The following ALK variants were observed in gnomAD, a reference collection of about 807,000 sequenced individuals.
ALK encodes the protein ALK receptor tyrosine kinase.
Under a neutral mutation model 163.1 loss-of-function variants are expected in ALK, and 74 were observed. The observed-to-expected ratio is 0.45, with a 90% CI of 0.38 to 0.55. The LOEUF is 0.55. ALK is among the 20% of genes least tolerant of loss of function. ALK has a pLI of 0.00. For missense variants in ALK, 2,063 were observed against 2,105.3 expected (o/e 0.98, Z 0.39); for synonymous variants, 960 against 843.2 (o/e 1.14, Z -2.40).
At chr2:29,821,244 A>T (rs1665040181) in intron 1 of ALK, among the ~76,000 whole-genome samples, 1 of 151,708 alleles carries the variant, frequency 6.6e-6, no homozygotes, top group African/African-American at 2.4e-5. Flanking sequence ...ATCTTCTCCT[A>T]CCCTCGGTGT....
intron 4 of ALK, among the ~76,000 whole-genome samples, chr2:29,457,713 G>T (rs959969759): frequency 6.6e-6 from 1 of 151,952 alleles, no homozygotes; most frequent in African/African-American, 2.4e-5. Flanking sequence ...CAATAACAGT[G>T]GTTTATCAAG....
chr2:29,366,094 T>G (rs1202365097), intron 5 of ALK, among the ~76,000 whole-genome samples: 1 of 152,046 alleles, frequency 6.6e-6, no homozygotes, highest in Non-Finnish European at 1.5e-5. Context: ...TATTTGAGAG[T>G]GAAATTACAT....
At chr2:29,646,327 C>T (rs536355211) in intron 3 of ALK, among the ~76,000 whole-genome samples, 18 of 152,268 alleles carry the variant, frequency 1.2e-4, no homozygotes, top group South Asian at 8.3e-4. Flanking sequence ...GCCCTTCCAG[C>T]ATCTGATACA....
intron 1 of ALK, among the ~76,000 whole-genome samples, chr2:29,804,659 G>A (rs1162246184): frequency 1.3e-5 from 2 of 152,248 alleles, no homozygotes; most frequent in African/African-American, 2.4e-5. Flanking sequence ...CAGGGCTGGC[G>A]TCGCAGCCCA....
At chr2:29,810,460 A>G (rs1171836080) in intron 1 of ALK, among the ~76,000 whole-genome samples, 1 of 152,050 alleles carries the variant, frequency 6.6e-6, no homozygotes, top group Non-Finnish European at 1.5e-5. Flanking sequence ...ATACTATCAA[A>G]TGTTATCAAT....
chr2:29,494,877 C>T (rs1053644603), intron 4 of ALK, among the ~76,000 whole-genome samples: 9 of 113,142 alleles, frequency 8.0e-5, no homozygotes, highest in East Asian at 4.5e-4. Context: ...TGTGTGTGTG[C>T]ATGCATGTGT....
intron 3 of ALK, among the ~76,000 whole-genome samples, chr2:29,627,408 T>C (rs914070266): frequency 1.3e-5 from 2 of 152,220 alleles, no homozygotes; most frequent in Non-Finnish European, 2.9e-5. Context: ...CGCAAATTTC[T>C]GCATTAGATG....
intron 1 of ALK, among the ~76,000 whole-genome samples, chr2:29,849,870 C>T (rs1015009734): frequency 7.9e-5 from 12 of 152,024 alleles, no homozygotes; most frequent in Admixed American, 6.5e-4. Flanking sequence ...CCCCCTCATC[C>T]CTCCAATCTC....
chr2:29,444,756 T>C (rs531541999), intron 4 of ALK, among the ~76,000 whole-genome samples: 1 of 152,344 alleles, frequency 6.6e-6, no homozygotes, highest in South Asian at 2.1e-4. Context: ...TTCCTTGGGC[T>C]CCTAAAAGTA....
intron 1 of ALK, among the ~76,000 whole-genome samples, chr2:29,731,896 G>A (rs1167803347): frequency 6.6e-6 from 1 of 152,186 alleles, no homozygotes; most frequent in African/African-American, 2.4e-5. Flanking sequence ...TTCTGTCAGT[G>A]ACCTGTAAAG....
chr2:29,879,562 C>T (rs1666804074), intron 1 of ALK, among the ~76,000 whole-genome samples: 1 of 152,228 alleles, frequency 6.6e-6, no homozygotes, highest in Non-Finnish European at 1.5e-5. Flanking sequence ...ACTGTCCACT[C>T]ATGTCCTAGG....
chr2:29,545,043 C>T lies in ALK; in HGVS notation c.953-12927G>A, dbSNP rs1488358788. ...TAGAAATCTACGAAGGTGTTTCAGT[C>T]AGATGCCCTGTGGTTTGGTCCCCAG... On this transcript the variant is annotated intron_variant, in intron 3 of 28. Coordinates refer to ENST00000389048, the MANE Select transcript of ALK (RefSeq NM_004304.5). Among the ~76,000 whole-genome samples, 3 of 152,294 alleles carry T rather than the reference C, an allele frequency of 2.0e-5. 1 individual carries two copies. In the East Asian group the frequency reaches 5.8e-4, roughly 29 times the overall value.
rs565181754 is a variant in ALK, at chr2:29,354,247, C to A, written c.1283-25766G>T. On this transcript the variant is annotated intron_variant, in intron 5 of 28. Transcript: ENST00000389048. Reference sequence around the variant, plus strand: ...TGACTCCTCACAGAGTCTTCCCTGTCTTAGGTGGCCCTGTGGTCTCTGCGC... The same window carrying A: ...TGACTCCTCACAGAGTCTTCCCTGTATTAGGTGGCCCTGTGGTCTCTGCGC... Among the ~76,000 whole-genome samples, 19 of 152,322 alleles carry A rather than the reference C, an allele frequency of 1.2e-4. No individual in the cohort carries two copies. The South Asian group carries it at 3.9e-3, about 32-fold the overall frequency.
chr2:29,473,843 G>A (rs1671431412), intron 4 of ALK, among the ~76,000 whole-genome samples: 1 of 122,048 alleles, frequency 8.2e-6, no homozygotes, highest in Admixed American at 8.4e-5. Flanking sequence ...GGGACAGAGT[G>A]AGACTTTGTC....
rs539723288 is a variant in ALK at position 29,461,617 on chromosome 2, G to A, written c.1154+70298C>T. Among the ~76,000 whole-genome samples, 5 of 152,234 alleles carry A rather than the reference G, an allele frequency of 3.3e-5. No homozygotes were observed. In the East Asian group the frequency reaches 7.7e-4, roughly 24 times the overall value. On this transcript the variant is annotated intron_variant, in intron 4 of 28. Transcript: ENST00000389048. Reference sequence around the variant, plus strand: ...GTTTACTAAATATTTTAAGTCCACTGTTCAGACCTATTGCTCAGAGAAAAA... The same window carrying A: ...GTTTACTAAATATTTTAAGTCCACTATTCAGACCTATTGCTCAGAGAAAAA...
Position 29,610,650 on chromosome 2 carries a change from G to A in ALK, c.953-78534C>T, listed in dbSNP as rs777858809. 9.2e-5 allele frequency among the ~76,000 whole-genome samples: 14 copies of A among 152,110 alleles called. 1 individual carries two copies. The highest frequency in any genetic ancestry group is 1.8e-4 in the Non-Finnish European group (12 of 68,018). On this transcript the variant is annotated intron_variant, in intron 3 of 28. Coordinates refer to ENST00000389048, the MANE Select transcript of ALK (RefSeq NM_004304.5). ...CAGCAAGTTGGATTTAAACTGACAA[G>A]ATCATAGCTCTACAAAAATAAGATC...
chr2:29,552,542 C>A (rs765749649), intron 3 of ALK, among the ~76,000 whole-genome samples: 2 of 152,148 alleles, frequency 1.3e-5, no homozygotes, highest in Non-Finnish European at 2.9e-5. Context: ...AAATAATAGA[C>A]AAACTAATGG....
chr2:29,745,614 T>G (rs970592071), intron 1 of ALK, among the ~76,000 whole-genome samples: 2 of 152,154 alleles, frequency 1.3e-5, no homozygotes, highest in African/African-American at 4.8e-5. Flanking sequence ...ATCTTTTTCA[T>G]CCTTTGGACC....
chr2:29,701,425 A>G (rs534763305), intron 2 of ALK, among the ~76,000 whole-genome samples: 1 of 152,346 alleles, frequency 6.6e-6, no homozygotes, highest in African/African-American at 2.4e-5. Context: ...GCAGGTCCAC[A>G]TCAGCCCCTT....
Sources: allele counts gnomAD v4.1 joint callset (sites outside exome capture counted in the v4.1 genomes callset), GRCh38; gene constraint gnomAD v4.1.1; transcripts MANE v1.5; gene names NCBI Gene and HGNC (gene_info 2026-07-23, HGNC 2026-07-21).